Variants in DCUN1D4 observed in about 807,000 individuals in gnomAD.
DCUN1D4 encodes the protein DCN1-like protein 4.
Under a neutral mutation model 47.9 loss-of-function variants are expected in DCUN1D4, and 22 were observed. That is an observed-to-expected ratio of 0.46 (90% CI 0.33 to 0.66). The LOEUF (loss-of-function observed/expected upper bound fraction) is 0.66. Ranked by LOEUF, DCUN1D4 falls within the 30% of genes least tolerant of loss-of-function variation. The probability of loss-of-function intolerance (pLI) is 0.02; values close to 1 mark genes in which losing one functional copy is unlikely to be tolerated. For missense variants in DCUN1D4, 301 were observed against 340.8 expected (o/e 0.88, Z 0.92); for synonymous variants, 121 against 112.2 (o/e 1.08, Z -0.50).
chr4:51,912,497 ACT>A (rs1192541550), intron 9 of DCUN1D4, among the ~76,000 whole-genome samples: 2 of 151,714 alleles, frequency 1.3e-5, no homozygotes, highest in Non-Finnish European at 2.9e-5. Flanking sequence ...CATTGACTCA[ACT>A]CTCTTTGCTT....
At chr4:51,900,954 C>G (rs778197486) in intron 8 of DCUN1D4, among the ~76,000 whole-genome samples, 1 of 152,136 alleles carries the variant, frequency 6.6e-6, no homozygotes, top group South Asian at 2.1e-4. Flanking sequence ...CCCTGGCTAA[C>G]GTCCTGTTCT....
intron 7 of DCUN1D4, among the ~76,000 whole-genome samples, chr4:51,897,846 C>T (rs1438262529): frequency 2.0e-5 from 3 of 152,160 alleles, no homozygotes; most frequent in African/African-American, 4.8e-5. Context: ...AGAGTAATGA[C>T]AGTAACAGAT....
intron 3 of DCUN1D4, among the ~76,000 whole-genome samples, chr4:51,864,463 G>C (rs1268778063): frequency 2.0e-5 from 3 of 152,190 alleles, no homozygotes; most frequent in African/African-American, 7.2e-5. Context: ...ATTGAAATTT[G>C]TCTTAGTCTG....
At position 51,911,152 on chromosome 4, in the gene DCUN1D4, C is replaced by A. The variant is rs753593836; in HGVS notation, c.698C>A (p.Pro233Gln). 1 of 1,611,392 alleles carries A rather than the reference C, an allele frequency of 6.2e-7. No homozygotes were observed. Among genetic ancestry groups the A allele is most frequent in the East Asian group, 2.2e-5 (1 of 44,758 alleles). Reference sequence around the variant, plus strand: ...TTAGGAAAAATCTGGCCCCTTTTTCCAGTTTTTCACCAATTCTTAGAGGTA... The same window carrying A: ...TTAGGAAAAATCTGGCCCCTTTTTCAAGTTTTTCACCAATTCTTAGAGGTA... ...LLLGKIWPLF[P>Q]VFHQFLEQSK... Residue 233 changes from proline (P) to glutamine (Q), a missense_variant, in exon 9 of 11, where the codon CCA (proline) becomes CAA (glutamine). Coordinates refer to ENST00000334635, the MANE Select transcript of DCUN1D4 (RefSeq NM_001040402.3).
upstream of DCUN1D4, among the ~76,000 whole-genome samples, chr4:51,838,338 T>A (rs1721548548): frequency 1.3e-5 from 2 of 152,220 alleles, no homozygotes; most frequent in South Asian, 2.1e-4. Context: ...GGAGCCTGAG[T>A]GGCTAGATGT....
intron 5 of DCUN1D4, among the ~76,000 whole-genome samples, chr4:51,880,384 TC>T (rs1374818044): frequency 6.6e-6 from 1 of 152,180 alleles, no homozygotes; most frequent in Non-Finnish European, 1.5e-5. Flanking sequence ...AAATGCTGAC[TC>T]CCTGCCTTTT....
Position 51,856,761 on chromosome 4 carries a change from G to A in DCUN1D4, c.26-6676G>A, listed in dbSNP as rs543254874. ...TCATCTCTCACATGCAGTCCTGTTA[G>A]TTTTTCCTTACACTGCAATCACATT... On this transcript the variant is annotated intron_variant, in intron 1 of 10. Coordinates refer to ENST00000334635, the MANE Select transcript of DCUN1D4 (RefSeq NM_001040402.3). Among the ~76,000 whole-genome samples, 8 of 152,308 alleles carry A rather than the reference G, an allele frequency of 5.3e-5. No homozygotes were observed. In the East Asian group the frequency reaches 1.4e-3, roughly 26 times the overall value.
chr4:51,873,233 T>G (rs531559742), intron 3 of DCUN1D4, among the ~76,000 whole-genome samples: 2 of 152,252 alleles, frequency 1.3e-5, no homozygotes, highest in East Asian at 3.9e-4. Context: ...ATTCACCACT[T>G]CTCACTCCTG....
chr4:51,892,505 A>G (rs1275805881), intron 7 of DCUN1D4, among the ~76,000 whole-genome samples: 2 of 152,260 alleles, frequency 1.3e-5, no homozygotes, highest in Non-Finnish European at 2.9e-5. Flanking sequence ...CTTGTAAGTT[A>G]AAATATTTGA....
At chr4:51,884,299 A>G (rs1461582549) in intron 5 of DCUN1D4, 2 of 152,160 alleles carry the variant, frequency 1.3e-5, no homozygotes, top group Non-Finnish European at 2.9e-5. Flanking sequence ...CTTTGTTAAG[A>G]ACAGCCACCT....
intron 5 of DCUN1D4, 125 bp downstream of exon 5, chr4:51,877,979 T>TA: frequency 1.9e-6 from 1 of 529,470 alleles, no homozygotes; most frequent in Middle Eastern, 5.2e-4. Flanking sequence ...GTGTCCCTGT[T>TA]AGAGGGAGAG....
intron 3 of DCUN1D4, among the ~76,000 whole-genome samples, chr4:51,865,789 G>GT (rs762568915): frequency 8.5e-5 from 13 of 152,268 alleles, no homozygotes; most frequent in African/African-American, 7.2e-5. Flanking sequence ...GGAGACTGAA[G>GT]TAACAGTGTT....
intron 6 of DCUN1D4, among the ~76,000 whole-genome samples, chr4:51,890,225 C>G (rs993411121): frequency 9.9e-5 from 15 of 152,126 alleles, no homozygotes; most frequent in Non-Finnish European, 1.0e-4. Context: ...TGTTGGCTCT[C>G]GGAGGCTCAG....
intron 7 of DCUN1D4, among the ~76,000 whole-genome samples, chr4:51,895,253 C>T (rs1038409408): frequency 6.6e-6 from 1 of 151,760 alleles, no homozygotes; most frequent in South Asian, 2.1e-4. Context: ...AACAGAAAGC[C>T]CATCGGCTGT....
Position 51,894,116 on chromosome 4 carries a change from GC to G in DCUN1D4, c.506+2267del, listed in dbSNP as rs548349662. On this transcript the variant is annotated intron_variant, in intron 7 of 10. Coordinates refer to ENST00000334635, the MANE Select transcript of DCUN1D4 (RefSeq NM_001040402.3). The stretch of plus-strand genomic sequence containing the variant: ...TGGCAGGTGGGTTCTCAGGGTGATT[GC>G]CACTTGATCCTTGCAATTCAGGGTT... Among the ~76,000 whole-genome samples, 53 of 152,258 alleles carry G rather than the reference GC, an allele frequency of 3.5e-4. No individual in the cohort carries two copies. In the South Asian group the frequency reaches 0.011, roughly 31 times the overall value.
intron 3 of DCUN1D4, among the ~76,000 whole-genome samples, chr4:51,870,714 C>G (rs1280776854): frequency 6.6e-6 from 1 of 152,170 alleles, no homozygotes; most frequent in East Asian, 1.9e-4. Flanking sequence ...TTGAGAAATC[C>G]TAGTTGTTGC....
intron 8 of DCUN1D4, chr4:51,905,109 T>A (rs1288287255): frequency 2.3e-6 from 1 of 433,826 alleles, no homozygotes; most frequent in African/African-American, 2.0e-5. Flanking sequence ...TTGAACCTTG[T>A]AGCCAATTTA....
chr4:51,834,949 G>A, the DCUN1D4 span, among the ~76,000 whole-genome samples: 3 of 152,200 alleles, frequency 2.0e-5, no homozygotes, highest in South Asian at 6.2e-4. Flanking sequence ...TCAAGGAAAA[G>A]AATAAAGGCC....
At chr4:51,905,799 C>G (rs1242215610) in intron 8 of DCUN1D4, among the ~76,000 whole-genome samples, 2 of 152,044 alleles carry the variant, frequency 1.3e-5, no homozygotes, top group Non-Finnish European at 2.9e-5. Flanking sequence ...GAGCAGAGAC[C>G]ACGGATTTGC....
Sources: allele counts gnomAD v4.1 joint callset (sites outside exome capture counted in the v4.1 genomes callset), GRCh38; gene constraint gnomAD v4.1.1; transcripts MANE v1.5; gene names NCBI Gene and HGNC (gene_info 2026-07-23, HGNC 2026-07-21).